USH1C: variants seen among roughly 807,000 people sequenced by gnomAD.
USH1C encodes harmonin.
In USH1C, 90 loss-of-function variants were observed where a neutral mutation model predicts 119.3. That is an observed-to-expected ratio of 0.75 (90% CI 0.64 to 0.90). USH1C has a LOEUF of 0.90. USH1C is among the 40% of genes least tolerant of loss of function. The pLI is 0.00. For synonymous variants in USH1C, 465 were observed against 443.3 expected (o/e 1.05, Z -0.62); for missense variants, 1,165 against 1,167.7 (o/e 1.00, Z 0.03).
intron 4 of USH1C, among the ~76,000 whole-genome samples, chr11:17,529,468 C>T (rs1176291484): frequency 6.6e-6 from 1 of 152,250 alleles, no homozygotes; most frequent in African/African-American, 2.4e-5. Context: ...TGCTCATCCC[C>T]TGCCTTCCAG....
At chr11:17,507,541 A>G (rs1333580687) in intron 18 of USH1C, among the ~76,000 whole-genome samples, 1 of 152,218 alleles carries the variant, frequency 6.6e-6, no homozygotes, top group Non-Finnish European at 1.5e-5. Flanking sequence ...ATCAATAACC[A>G]TAGTTAATGT....
intron 23 of USH1C, among the ~76,000 whole-genome samples, chr11:17,498,680 G>C (rs1472156790): frequency 6.6e-6 from 1 of 152,208 alleles, no homozygotes; most frequent in Admixed American, 6.5e-5. Context: ...TCATGTCGCT[G>C]TTCCCTACCT....
Position 17,536,275 on chromosome 11 carries a change from T to C in USH1C, c.37-2953A>G, listed in dbSNP as rs983785333. On this transcript the variant is annotated intron_variant, in intron 1 of 26. Coordinates refer to ENST00000005226, the MANE Select transcript of USH1C (RefSeq NM_153676.4). The stretch of plus-strand genomic sequence containing the variant: ...AGAAGATGGGACAGAGAATCTCTTA[T>C]TGACTGAGGCCTTAGGACTGAAGTT... Among the ~76,000 whole-genome samples, 16 of 152,348 alleles carry C rather than the reference T, an allele frequency of 1.1e-4. No homozygotes were observed. In the South Asian group the frequency reaches 2.1e-3, roughly 20 times the overall value.
intron 14 of USH1C, among the ~76,000 whole-genome samples, chr11:17,519,127 C>T (rs1850298189): frequency 6.6e-6 from 1 of 152,186 alleles, no homozygotes; most frequent in Admixed American, 6.5e-5. Flanking sequence ...TGGATAGGAG[C>T]TGGCTGGGGC....
rs1217356382 is a variant in USH1C, at chr11:17,526,747, C to A, written c.579+6G>T. On this transcript the variant is annotated splice_donor_region_variant and intron_variant, in intron 7 of 26. Transcript: ENST00000005226. ...CAAACCCCATCACAGGAGGTCTGGC[C>A]CTTACCCCAGATTCCGACACAAACT... The A allele has an allele frequency of 6.2e-7, 1 of 1,613,820 alleles. No homozygotes were observed. Among genetic ancestry groups the A allele is most frequent in the African/African-American group, 1.3e-5 (1 of 74,910 alleles).
At chr11:17,523,354 G>A in intron 10 of USH1C, 65 bp downstream of exon 10, 1 of 1,612,516 alleles carries the variant, frequency 6.2e-7, no homozygotes, top group East Asian at 2.2e-5. Flanking sequence ...GCTCCAGGGT[G>A]GTGGGGATGA....
chr11:17,539,531 G>T (rs184814428), intron 1 of USH1C, among the ~76,000 whole-genome samples: 116 of 152,320 alleles, frequency 7.6e-4, no homozygotes, highest in African/African-American at 2.6e-3. Context: ...CTGGCAGGTA[G>T]TAAGTCCTGT....
chr11:17,540,545 T>C (rs538499099), intron 1 of USH1C, among the ~76,000 whole-genome samples: 8 of 152,126 alleles, frequency 5.3e-5, no homozygotes, highest in South Asian at 4.2e-4. Context: ...CCTACAGCCT[T>C]CTCAGTCACC....
chr11:17,495,813 G>T, intron 25 of USH1C, 136 bp from the exon 26 acceptor site: 1 of 909,672 alleles, frequency 1.1e-6, no homozygotes, highest in Non-Finnish European at 1.7e-6. Flanking sequence ...TAGGAGCTGC[G>T]AGACCCTGGT....
At chr11:17,535,052 G>T (rs1160001575) in intron 1 of USH1C, among the ~76,000 whole-genome samples, 1 of 152,114 alleles carries the variant, frequency 6.6e-6, no homozygotes, top group Non-Finnish European at 1.5e-5. Flanking sequence ...TGGGGCAGGG[G>T]TGCCTCCCTG....
At chr11:17,523,389 G>C (rs768844656) in intron 10 of USH1C, 30 bp downstream of exon 10, 13 of 1,613,936 alleles carry the variant, frequency 8.1e-6, no homozygotes, top group South Asian at 2.2e-5. Context: ...AGATGACAAG[G>C]GCCAACAGGT....
chr11:17,510,366 ACAG>A, intron 17 of USH1C, 36 bp downstream of exon 17: 1 of 1,542,016 alleles, frequency 6.5e-7, no homozygotes, highest in South Asian at 1.1e-5. Context: ...CATTCTGAAG[ACAG>A]CAGGAGGGTC....
At chr11:17,516,725 T>C in intron 14 of USH1C, 1 of 307,762 alleles carries the variant, frequency 3.2e-6, no homozygotes. Flanking sequence ...GGAGCCTGGG[T>C]GTCTGCCTAG....
chr11:17,537,850 G>A (rs923333213), intron 1 of USH1C, among the ~76,000 whole-genome samples: 1 of 152,172 alleles, frequency 6.6e-6, no homozygotes, highest in African/African-American at 2.4e-5. Context: ...AACCCTCTGA[G>A]GTGAACGTTA....
At position 17,501,048 on chromosome 11, in the gene USH1C, C is replaced by T. The variant is rs1321913396; in HGVS notation, c.2380+3G>A. 1.9e-6 allele frequency: 3 copies of T among 1,612,588 alleles called. No homozygotes were observed. The highest frequency in any genetic ancestry group is 2.2e-5 in the South Asian group (2 of 90,938). Reference sequence around the variant, plus strand: ...AACCTGGGTGTGGCTAGTCTCCACTCACCATGCCGCTCAGCAGCTCCCCGC... The same window carrying T: ...AACCTGGGTGTGGCTAGTCTCCACTTACCATGCCGCTCAGCAGCTCCCCGC... On this transcript the variant is annotated splice_donor_region_variant and intron_variant, in intron 23 of 26. Coordinates refer to ENST00000005226, the MANE Select transcript of USH1C (RefSeq NM_153676.4).
At chr11:17,506,160 G>A (rs944004232) in intron 18 of USH1C, among the ~76,000 whole-genome samples, 2 of 152,214 alleles carry the variant, frequency 1.3e-5, no homozygotes, top group African/African-American at 4.8e-5. Flanking sequence ...AGAAACTACT[G>A]AGCGGCTCTA....
At chr11:17,514,984 G>A (rs1850074162) in intron 15 of USH1C, among the ~76,000 whole-genome samples, 1 of 151,902 alleles carries the variant, frequency 6.6e-6, no homozygotes. Context: ...CATGTTATTA[G>A]TGCCTGAAAA....
At chr11:17,539,833 CTTTT>C (rs34881002) in intron 1 of USH1C, among the ~76,000 whole-genome samples, 13 of 126,186 alleles carry the variant, frequency 1.0e-4, no homozygotes, top group Admixed American at 2.4e-4. Context: ...CTTTCTTTTT[CTTTT>C]TTTTTTTTTT....
At chr11:17,521,484 T>C (rs1850412070) in intron 12 of USH1C, 73 bp from the exon 13 acceptor site, 6 of 1,531,012 alleles carry the variant, frequency 3.9e-6, no homozygotes, top group Non-Finnish European at 5.4e-6. Flanking sequence ...TGTGAATTCT[T>C]GATTTGGAGA....
Sources: gnomAD v4.1 joint callset for allele counts (sites outside exome capture counted in the v4.1 genomes callset) on GRCh38, gnomAD v4.1.1 for gene constraint, MANE v1.5 for transcripts, NCBI Gene and HGNC (gene_info 2026-07-23, HGNC 2026-07-21) for gene names.